The following UAP1 variants were observed in gnomAD, a reference collection of about 807,000 sequenced individuals.
The protein encoded by UAP1 is UDP-N-acetylglucosamine pyrophosphorylase 1.
A neutral mutation model predicts 58.5 loss-of-function variants in UAP1; 25 were observed. That is an observed-to-expected ratio of 0.43 (90% CI 0.31 to 0.60). The LOEUF (loss-of-function observed/expected upper bound fraction) is 0.60, where lower values mean the gene tolerates loss of function less well. Among genes scored for constraint, UAP1 ranks in the 20% least tolerant of loss-of-function variants. The pLI, the probability that UAP1 is intolerant of heterozygous loss-of-function variation, is 0.11. For missense variants in UAP1, 575 were observed against 630.0 expected (o/e 0.91, Z 0.93); for synonymous variants, 208 against 213.0 (o/e 0.98, Z 0.21).
At chr1:162,583,643 T>C (rs1019000144) in intron 5 of UAP1, among the ~76,000 whole-genome samples, 2 of 152,062 alleles carry the variant, frequency 1.3e-5, no homozygotes, top group Non-Finnish European at 2.9e-5. Flanking sequence ...TATTTATTTA[T>C]TTATTTGACA....
chr1:162,586,371 G>A (rs79527584), intron 5 of UAP1, among the ~76,000 whole-genome samples: 1 of 152,192 alleles, frequency 6.6e-6, no homozygotes, highest in East Asian at 1.9e-4. Flanking sequence ...GCCCAGGCTC[G>A]AGTGGAGTGC....
At chr1:162,588,666 T>A (rs758708674) in intron 6 of UAP1, 27 bp from the exon 7 acceptor site, 1 of 1,589,642 alleles carries the variant, frequency 6.3e-7, no homozygotes, top group Admixed American at 1.8e-5. Context: ...GGAACGTGAT[T>A]ATATCTTTTC....
chr1:162,567,023 CATG>C lies in UAP1; in HGVS notation c.280+678_280+680del, dbSNP rs1653555042. 3.9e-5 allele frequency among the ~76,000 whole-genome samples: 6 copies of C among 152,296 alleles called. No homozygotes were observed. In the South Asian group the frequency reaches 1.0e-3, roughly 26 times the overall value. On this transcript the variant is annotated intron_variant, in intron 2 of 10. Transcript: ENST00000271469. ...ACCAAATAATTCACCTTTCCCTGAA[CATG>C]ATACCATGCCTTCCCTGCTTTTGCT...
At chr1:162,566,742 T>A (rs1653537873) in intron 2 of UAP1, among the ~76,000 whole-genome samples, 1 of 152,186 alleles carries the variant, frequency 6.6e-6, no homozygotes, top group Non-Finnish European at 1.5e-5. Context: ...TTCTCCTGCC[T>A]CAGCCTCCCA....
chr1:162,596,800 G>C (rs548203629), intron 9 of UAP1, among the ~76,000 whole-genome samples: 1 of 152,294 alleles, frequency 6.6e-6, no homozygotes, highest in South Asian at 2.1e-4. Context: ...AAAGAGCTAT[G>C]GTTTGACAAG....
chr1:162,577,097 G>T, intron 3 of UAP1, 116 bp downstream of exon 3: 1 of 1,029,916 alleles, frequency 9.7e-7, no homozygotes, highest in Non-Finnish European at 1.4e-6. Context: ...TGATTTTCTT[G>T]GGAGGTATAA....
chr1:162,597,567 C>A (rs532738889), intron 9 of UAP1: 2 of 498,518 alleles, frequency 4.0e-6, no homozygotes, highest in Admixed American at 3.7e-5. Flanking sequence ...AAAGAGCTAC[C>A]AGTAATTATT....
At position 162,570,352 on chromosome 1, in the gene UAP1, T is replaced by C. The variant is rs543585244; in HGVS notation, c.280+4004T>C. Among the ~76,000 whole-genome samples the C allele has an allele frequency of 2.0e-5, 3 of 152,276 alleles. No homozygotes were observed. The East Asian group carries it at 5.8e-4, about 29-fold the overall frequency. On this transcript the variant is annotated intron_variant, in intron 2 of 10. Coordinates refer to ENST00000271469, the Ensembl canonical transcript of UAP1. ...GCACAAGAATTTATCATGAAAAATG[T>C]CAAGGATATTTTGAAACAAATATTT...
At chr1:162,589,527 C>T (rs80216970) in intron 7 of UAP1, among the ~76,000 whole-genome samples, 1,638 of 151,192 alleles carry the variant, frequency 0.011, 33 homozygotes, top group African/African-American at 0.038. Flanking sequence ...AGAGTTGTCT[C>T]GTTTTGTATT....
intron 7 of UAP1, among the ~76,000 whole-genome samples, chr1:162,589,184 A>AT (rs1289916903): frequency 8.0e-4 from 71 of 88,854 alleles, no homozygotes; most frequent in African/African-American, 2.9e-3. Flanking sequence ...TATTATATAT[A>AT]ATATATATTA....
chr1:162,570,474 T>C (rs867674697), intron 2 of UAP1, among the ~76,000 whole-genome samples: 29 of 152,196 alleles, frequency 1.9e-4, no homozygotes, highest in African/African-American at 2.7e-4. Flanking sequence ...CTCTTTTTTT[T>C]CCCCTTTGCT....
intron 6 of UAP1, chr1:162,588,077 C>G (rs1391351366): frequency 6.4e-6 from 1 of 157,364 alleles, no homozygotes; most frequent in Non-Finnish European, 1.4e-5. Flanking sequence ...TTTTAGAAAG[C>G]TGCCCACAAA....
intron 2 of UAP1, among the ~76,000 whole-genome samples, chr1:162,568,881 A>G (rs996238810): frequency 6.6e-6 from 1 of 152,232 alleles, no homozygotes; most frequent in African/African-American, 2.4e-5. Flanking sequence ...AAGGTATCCT[A>G]TAATTTGAGT....
intron 3 of UAP1, among the ~76,000 whole-genome samples, chr1:162,577,770 C>T (rs539384571): frequency 2.6e-4 from 40 of 152,088 alleles, no homozygotes; most frequent in African/African-American, 9.2e-4. Flanking sequence ...CACCACCACA[C>T]CTGGCTAATT....
intron 10 of UAP1, 111 bp downstream of exon 10, chr1:162,597,969 A>C: frequency 5.3e-6 from 5 of 951,664 alleles, no homozygotes; most frequent in Non-Finnish European, 7.9e-6. Flanking sequence ...TAAGTATTTG[A>C]GGTGATAGAT....
intron 3 of UAP1, among the ~76,000 whole-genome samples, chr1:162,577,434 C>CTTTTTTTTTTTTTTTTTTT (rs1557970274): frequency 7.2e-6 from 1 of 138,150 alleles, no homozygotes; most frequent in African/African-American, 2.9e-5. Flanking sequence ...TAGTTCCTTC[C>CTTTTTTTTTTTTTTTTTTT]CTTTTTTTTT....
At chr1:162,564,292 T>C (rs1653357338) in intron 1 of UAP1, among the ~76,000 whole-genome samples, 2 of 152,188 alleles carry the variant, frequency 1.3e-5, no homozygotes, top group South Asian at 4.1e-4. Flanking sequence ...CCTGGTGAGG[T>C]AGATACTATT....
chr1:162,589,190 TA>T (rs1222468906), intron 7 of UAP1, among the ~76,000 whole-genome samples: 37 of 68,654 alleles, frequency 5.4e-4, no homozygotes, highest in South Asian at 1.3e-3. Flanking sequence ...ATATAATATA[TA>T]TTATATATTA....
chr1:162,596,975 C>T (rs2101847707), intron 9 of UAP1, among the ~76,000 whole-genome samples: 1 of 152,256 alleles, frequency 6.6e-6, no homozygotes, highest in African/African-American at 2.4e-5. Context: ...CTAGATGAAA[C>T]AAATAGGGAC....
Sources: gnomAD v4.1 joint callset for allele counts (sites outside exome capture counted in the v4.1 genomes callset) on GRCh38, gnomAD v4.1.1 for gene constraint, MANE v1.5 for transcripts, NCBI Gene and HGNC (gene_info 2026-07-23, HGNC 2026-07-21) for gene names.